HMCN1: variants seen among roughly 807,000 people sequenced by gnomAD.
HMCN1 encodes hemicentin-1.
Under a neutral mutation model 625.9 loss-of-function variants are expected in HMCN1, and 321 were observed. The ratio of observed to expected loss-of-function variants is 0.51; its 90% CI spans 0.47 to 0.56. HMCN1 has a LOEUF of 0.56. HMCN1 is among the 20% of genes least tolerant of loss of function. The pLI, the probability that HMCN1 is intolerant of heterozygous loss-of-function variation, is 0.00. For synonymous variants in HMCN1, 2,425 were observed against 2,417.6 expected (o/e 1.00, Z -0.09); for missense variants, 6,588 against 6,887.3 (o/e 0.96, Z 1.54).
chr1:185,782,010 T>C (rs914118930), intron 1 of HMCN1, among the ~76,000 whole-genome samples: 1 of 152,270 alleles, frequency 6.6e-6, no homozygotes, highest in Admixed American at 6.5e-5. Context: ...TAAGGACTTG[T>C]TTTATGAATC....
intron 69 of HMCN1, 122 bp downstream of exon 69, chr1:186,103,790 A>G (rs975135637): frequency 1.3e-5 from 10 of 787,288 alleles, no homozygotes; most frequent in Non-Finnish European, 1.6e-5. Context: ...TAACTGGAGC[A>G]GGATGGATTA....
chr1:185,813,299 GA>G (rs1208108426), intron 1 of HMCN1, among the ~76,000 whole-genome samples: 2 of 152,048 alleles, frequency 1.3e-5, no homozygotes, highest in Non-Finnish European at 1.5e-5. Context: ...TATGATAATA[GA>G]AACCAATTAT....
At chr1:185,942,715 T>C (rs1668145719) in intron 11 of HMCN1, among the ~76,000 whole-genome samples, 1 of 152,060 alleles carries the variant, frequency 6.6e-6, no homozygotes, top group African/African-American at 2.4e-5. Flanking sequence ...TTAATTCAAT[T>C]CAGAAATCAA....
chr1:185,852,577 TACAC>T (rs67719442), intron 2 of HMCN1, among the ~76,000 whole-genome samples: 39,253 of 135,286 alleles, frequency 0.29, 5,480 homozygotes, highest in Middle Eastern at 0.3. Flanking sequence ...ACAAATATCC[TACAC>T]ACACACACAC....
At chr1:186,109,084 A>T (rs539803767) in intron 71 of HMCN1, among the ~76,000 whole-genome samples, 21 of 152,202 alleles carry the variant, frequency 1.4e-4, no homozygotes, top group South Asian at 4.1e-4. Context: ...AAAGCTTGCC[A>T]TGCTTAGATG....
At chr1:185,764,315 G>C (rs891121461) in intron 1 of HMCN1, among the ~76,000 whole-genome samples, 2 of 152,154 alleles carry the variant, frequency 1.3e-5, no homozygotes, top group African/African-American at 2.4e-5. Flanking sequence ...TAAATTCATA[G>C]CTGAAGGATC....
Position 186,061,883 on chromosome 1 carries a change from A to G in HMCN1, c.7345A>G (p.Met2449Val), listed in dbSNP as rs199613884. 918 of 1,613,060 alleles carry G rather than the reference A, an allele frequency of 5.7e-4. 1 individual carries two copies. The highest frequency in any genetic ancestry group is 7.0e-4 in the Non-Finnish European group (823 of 1,179,220). ...GRMLRLMQTTMEDAGQYTCVV... is the reference protein window; with the variant it reads ...GRMLRLMQTTVEDAGQYTCVV... Reference sequence around the variant, plus strand: ...GATGCTACGGCTGATGCAGACCACAATGGAAGATGCTGGCCAATATACTTG... The same window carrying G: ...GATGCTACGGCTGATGCAGACCACAGTGGAAGATGCTGGCCAATATACTTG... The change falls in exon 47 of 107, where the codon ATG becomes GTG. Residue 2449 changes from methionine (M) to valine (V), a missense_variant. By Grantham distance (21) the Met-to-Val change is conservative (BLOSUM62 1). This residue lies in a region of HMCN1 where 4,628 missense variants were observed against 4,853.1 expected (regional missense o/e 0.95). Transcript: ENST00000271588.
At chr1:186,105,762 G>A (rs1660580099) in intron 69 of HMCN1, among the ~76,000 whole-genome samples, 1 of 152,146 alleles carries the variant, frequency 6.6e-6, no homozygotes, top group South Asian at 2.1e-4. Context: ...GAAATATTTT[G>A]TGGAAAAGGG....
At chr1:186,051,220 G>A (rs1656925862) in intron 42 of HMCN1, among the ~76,000 whole-genome samples, 1 of 152,088 alleles carries the variant, frequency 6.6e-6, no homozygotes, top group African/African-American at 2.4e-5. Context: ...GGGATTTAAA[G>A]AAGGACCGGA....
intron 1 of HMCN1, among the ~76,000 whole-genome samples, chr1:185,769,582 G>A (rs1051484222): frequency 6.6e-6 from 1 of 152,102 alleles, no homozygotes; most frequent in Admixed American, 6.6e-5. Flanking sequence ...AATGTATATG[G>A]GCAACTATAT....
intron 15 of HMCN1, 87 bp from the exon 16 acceptor site, chr1:185,977,700 T>C (rs1224275779): frequency 5.6e-5 from 49 of 867,976 alleles, no homozygotes; most frequent in Non-Finnish European, 8.8e-5. Flanking sequence ...TCAAATTCAA[T>C]GATTTGACAG....
In HMCN1 at chr1:186,071,206, T is replaced by C. The variant is rs549395043; in HGVS notation, c.8139+449T>C. Among the ~76,000 whole-genome samples the C allele has an allele frequency of 3.9e-5, 6 of 152,276 alleles. No homozygotes were observed. In the South Asian group the frequency reaches 1.2e-3, roughly 32 times the overall value. On this transcript the variant is annotated intron_variant, in intron 52 of 106. Coordinates refer to ENST00000271588, the MANE Select transcript of HMCN1 (RefSeq NM_031935.3). ...CCGGGTTAGAATGACAGGTATAACATGGGTACTAAATTTACTAAAGTTACT... is the reference window on the plus strand; with the variant it reads ...CCGGGTTAGAATGACAGGTATAACACGGGTACTAAATTTACTAAAGTTACT...
intron 68 of HMCN1, among the ~76,000 whole-genome samples, chr1:186,100,008 C>T (rs10911819): frequency 0.53 from 80,711 of 151,698 alleles, 21,662 homozygotes; most frequent in Admixed American, 0.61. Flanking sequence ...ATTGAAGAGG[C>T]TGCTGTATTC....
At chr1:185,841,131 G>T (rs1661450535) in intron 1 of HMCN1, among the ~76,000 whole-genome samples, 1 of 152,086 alleles carries the variant, frequency 6.6e-6, no homozygotes, top group East Asian at 1.9e-4. Flanking sequence ...CAGATTAAGA[G>T]AACAATGGTT....
At chr1:185,766,575 G>C (rs1655888175) in intron 1 of HMCN1, among the ~76,000 whole-genome samples, 1 of 152,096 alleles carries the variant, frequency 6.6e-6, no homozygotes, top group Non-Finnish European at 1.5e-5. Context: ...ACAGATCTTT[G>C]AGAAGTTTTA....
intron 1 of HMCN1, among the ~76,000 whole-genome samples, chr1:185,798,167 G>C (rs559048234): frequency 6.6e-6 from 1 of 152,120 alleles, no homozygotes; most frequent in African/African-American, 2.4e-5. Flanking sequence ...GTGAAGCCTA[G>C]TTTAGCAGAA....
chr1:186,069,025 A>C (rs915987904), intron 50 of HMCN1, among the ~76,000 whole-genome samples: 2 of 152,202 alleles, frequency 1.3e-5, no homozygotes, highest in African/African-American at 4.8e-5. Context: ...GAGAGGTTTC[A>C]GTTCCATCAG....
chr1:185,799,695 C>G (rs1053584889), intron 1 of HMCN1, among the ~76,000 whole-genome samples: 1 of 152,106 alleles, frequency 6.6e-6, no homozygotes, highest in Non-Finnish European at 1.5e-5. Context: ...TTTCACAAAA[C>G]TTGTCTCCCA....
intron 1 of HMCN1, among the ~76,000 whole-genome samples, chr1:185,816,205 T>C (rs1659839282): frequency 6.6e-6 from 1 of 152,226 alleles, no homozygotes; most frequent in African/African-American, 2.4e-5. Flanking sequence ...GAACAAATTA[T>C]AGGCAGTTAC....
Sources: allele counts gnomAD v4.1 joint callset (sites outside exome capture counted in the v4.1 genomes callset), GRCh38; gene constraint gnomAD v4.1.1; regional missense constraint gnomAD v4.1.1; transcripts MANE v1.5; gene names NCBI Gene and HGNC (gene_info 2026-07-23, HGNC 2026-07-21).